PHKA2: variants seen among roughly 807,000 people sequenced by gnomAD.
PHKA2 encodes the protein phosphorylase kinase regulatory subunit alpha 2, also known as phosphorylase b kinase regulatory subunit alpha, liver isoform.
A neutral mutation model predicts 102.0 loss-of-function variants in PHKA2; 31 were observed. The observed-to-expected ratio is 0.30, with a 90% CI of 0.23 to 0.41. PHKA2 has a LOEUF of 0.41. Ranked by LOEUF, PHKA2 falls within the 10% of genes least tolerant of loss-of-function variation. The pLI is 1.00. For synonymous variants in PHKA2, 455 were observed against 416.2 expected (o/e 1.09, Z -1.13); for missense variants, 858 against 1,023.1 (o/e 0.84, Z 2.20).
intron 19 of PHKA2, among the ~76,000 whole-genome samples, chrX:18,917,790 G>A (rs917835584): frequency 3.6e-5 from 4 of 110,543 alleles, no homozygotes; most frequent in East Asian, 2.8e-4. Context: ...GGAAGCCTCC[G>A]GGGAAGATCC....
At chrX:18,893,789 C>T (rs1323325861) in intron 32 of PHKA2, 134 bp from the exon 33 acceptor site, 7 of 604,516 alleles carry the variant, frequency 1.2e-5, no homozygotes, top group Middle Eastern at 9.9e-4. Flanking sequence ...TTCTGAGAGG[C>T]TCCAATTCTG....
At chrX:18,946,358 A>G (rs965088492) in intron 5 of PHKA2, among the ~76,000 whole-genome samples, 3 of 111,158 alleles carry the variant, frequency 2.7e-5, no homozygotes, top group African/African-American at 9.8e-5. Context: ...CTGCAGCCCA[A>G]CCCACCTTTC....
At chrX:18,966,109 A>C (rs1483776537) in intron 1 of PHKA2, among the ~76,000 whole-genome samples, 3 of 85,574 alleles carry the variant, frequency 3.5e-5, no homozygotes, top group African/African-American at 1.5e-4. Flanking sequence ...TTTTTTTGAG[A>C]TGGAGTCTTG....
At chrX:18,917,512 G>A (rs1353953617) in intron 19 of PHKA2, among the ~76,000 whole-genome samples, 3 of 110,688 alleles carry the variant, frequency 2.7e-5, no homozygotes, top group Non-Finnish European at 5.7e-5. Flanking sequence ...GCCTGCCTCA[G>A]CTTCCAAAAG....
At chrX:18,941,730 A>C (rs950372102) in intron 7 of PHKA2, 55 bp from the exon 8 acceptor site, 3 of 865,938 alleles carry the variant, frequency 3.5e-6, no homozygotes, top group East Asian at 3.1e-5. Flanking sequence ...TAGGCGCAGT[A>C]TCTAGGGACC....
Position 18,893,205 on chromosome X carries a change from A to C in PHKA2, c.*280T>G, listed in dbSNP as rs1235600915. ...AGACCAATTTCCAATTCCTCCTCAGAGTCCGTGAGACCAGATGCTACAGCA... is the reference window on the plus strand; with the variant it reads ...AGACCAATTTCCAATTCCTCCTCAGCGTCCGTGAGACCAGATGCTACAGCA... On this transcript the variant is annotated 3_prime_UTR_variant, in exon 33 of 33. Transcript: ENST00000379942. The C allele has an allele frequency of 5.1e-6, 2 of 391,076 alleles. No individual in the cohort carries two copies. The highest frequency in any genetic ancestry group is 2.5e-5 in the African/African-American group (1 of 39,445). The allele number at this position is 391,076 out of a possible 1,213,427, so 32.2% of individuals were successfully genotyped here.
At chrX:18,906,684 C>T in intron 24 of PHKA2, 52 bp downstream of exon 24, 1 of 1,183,264 alleles carries the variant, frequency 8.5e-7, no homozygotes, top group Non-Finnish European at 1.2e-6. Context: ...TGAAGGGTCC[C>T]CTCCACTCTG....
intron 20 of PHKA2, among the ~76,000 whole-genome samples, chrX:18,909,333 T>C (rs2047881040): frequency 8.9e-6 from 1 of 111,884 alleles, no homozygotes; most frequent in Non-Finnish European, 1.9e-5. Context: ...GAGCTGAAGG[T>C]GTGAAGGATG....
chrX:18,913,233 TG>T (rs1380926661), intron 19 of PHKA2, among the ~76,000 whole-genome samples: 1 of 111,681 alleles, frequency 9.0e-6, no homozygotes, highest in Non-Finnish European at 1.9e-5. Flanking sequence ...GACTGTACAC[TG>T]CTGTAGACTT....
chrX:18,901,696 G>C (rs2047685192), intron 26 of PHKA2, 93 bp from the exon 27 acceptor site: 1 of 599,705 alleles, frequency 1.7e-6, no homozygotes, highest in Non-Finnish European at 2.9e-6. Context: ...TTGACAATGA[G>C]GGCCTTCTCT....
chrX:18,961,489 C>T (rs1272825409), intron 1 of PHKA2, among the ~76,000 whole-genome samples: 1 of 108,866 alleles, frequency 9.2e-6, no homozygotes, highest in African/African-American at 3.4e-5. Flanking sequence ...GAAACCCTGT[C>T]TCTACTAAAA....
rs187396414 is a variant in PHKA2, at chrX:18,966,151, G to A, written c.79-11739C>T. On this transcript the variant is annotated intron_variant, in intron 1 of 32. Coordinates refer to ENST00000379942, the MANE Select transcript of PHKA2 (RefSeq NM_000292.3). ...CACCGAGGCTGAAGTGCATTGGCGCGATCTCGGCTCACTACAACCTCCACC... is the reference window on the plus strand; with the variant it reads ...CACCGAGGCTGAAGTGCATTGGCGCAATCTCGGCTCACTACAACCTCCACC... 5.0e-3 allele frequency among the ~76,000 whole-genome samples: 515 copies of A among 102,689 alleles called. 2 individuals are homozygous for A. The highest frequency in any genetic ancestry group is 0.018 in the African/African-American group (493 of 27,439). 89.2% of individuals were successfully genotyped at this position (102,689 alleles called of 115,157 possible).
chrX:18,945,954 T>G (rs764063108), intron 5 of PHKA2, among the ~76,000 whole-genome samples: 1 of 110,500 alleles, frequency 9.0e-6, no homozygotes, highest in African/African-American at 3.3e-5. Context: ...TTTTTTGAGA[T>G]GGAGTCTGGC....
intron 1 of PHKA2, among the ~76,000 whole-genome samples, chrX:18,969,550 T>C (rs1434422412): frequency 1.8e-5 from 2 of 111,987 alleles, no homozygotes; most frequent in Non-Finnish European, 3.8e-5. Flanking sequence ...TTTTTTTGTT[T>C]TTTATAGTAT....
chrX:18,911,801 C>T (rs2047933709), intron 19 of PHKA2, among the ~76,000 whole-genome samples: 1 of 112,353 alleles, frequency 8.9e-6, no homozygotes, highest in South Asian at 3.7e-4. Context: ...TCCTGGAATT[C>T]AGGAAAAATG....
In PHKA2 at chrX:18,983,923, T is replaced by C. The variant is rs987481324; in HGVS notation, c.10A>G (p.Arg4Gly). Residue 4 changes from arginine to glycine, a missense_variant, in exon 1 of 33, where the codon AGG becomes GGG. Transcript: ENST00000379942. Reference protein sequence around the residue: MRSRSNSGVRLDGY... With the variant: MRSGSNSGVRLDGY... Reference sequence around the variant, plus strand: ...TCCAAGCGGACCCCGGAATTGCTCCTGCTCCGCATCTCCCCGAGGCTCCCA... The same window carrying C: ...TCCAAGCGGACCCCGGAATTGCTCCCGCTCCGCATCTCCCCGAGGCTCCCA... 1.7e-6 allele frequency: 2 copies of C among 1,210,618 alleles called. No homozygotes were observed. The highest frequency in any genetic ancestry group is 2.2e-6 in the Non-Finnish European group (2 of 893,987).
intron 1 of PHKA2, among the ~76,000 whole-genome samples, chrX:18,970,775 T>G (rs1438786393): frequency 8.9e-6 from 1 of 112,339 alleles, no homozygotes; most frequent in Non-Finnish European, 1.9e-5. Flanking sequence ...TCTTGCAGCA[T>G]AGACCACTAC....
intron 26 of PHKA2, among the ~76,000 whole-genome samples, chrX:18,901,998 AC>A (rs1379352277): frequency 1.8e-5 from 2 of 109,560 alleles, no homozygotes; most frequent in Non-Finnish European, 3.8e-5. Context: ...GCCCGCCATC[AC>A]GCCCGGCTAA....
At chrX:18,941,066 C>T (rs1008621275) in intron 8 of PHKA2, among the ~76,000 whole-genome samples, 1 of 112,218 alleles carries the variant, frequency 8.9e-6, no homozygotes, top group Non-Finnish European at 1.9e-5. Context: ...TTTCAACTGG[C>T]TGGAGTATTT....
Sources: allele counts gnomAD v4.1 joint callset (sites outside exome capture counted in the v4.1 genomes callset), GRCh38; gene constraint gnomAD v4.1.1; transcripts MANE v1.5; gene names NCBI Gene and HGNC (gene_info 2026-07-23, HGNC 2026-07-21).